The following IMMP2L variants were observed in gnomAD, a reference collection of about 807,000 sequenced individuals.
The protein encoded by IMMP2L is inner mitochondrial membrane peptidase subunit 2.
In IMMP2L, 18 loss-of-function variants were observed where a neutral mutation model predicts 19.3. That is an observed-to-expected ratio of 0.93 (90% CI 0.64 to 1.38). IMMP2L has a LOEUF of 1.38. Among genes scored for constraint, IMMP2L ranks in the 40% most tolerant of loss-of-function variants. IMMP2L has a pLI of 0.00. For synonymous variants in IMMP2L, 76 were observed against 73.0 expected, an observed-to-expected ratio of 1.04 and a Z score of -0.21; for missense variants, 233 against 218.2, an observed-to-expected ratio of 1.07 and a Z score of -0.43.
intron 2 of IMMP2L, among the ~76,000 whole-genome samples, chr7:111,498,849 C>A (rs931208589): frequency 6.6e-6 from 1 of 152,044 alleles, no homozygotes; most frequent in Non-Finnish European, 1.5e-5. Context: ...ATTTTGGTAC[C>A]TGGGTACCCT....
intron 5 of IMMP2L, among the ~76,000 whole-genome samples, chr7:110,881,724 G>T (rs1034498407): frequency 6.6e-6 from 1 of 152,144 alleles, no homozygotes; most frequent in Non-Finnish European, 1.5e-5. Context: ...AAAATGCAAT[G>T]AAAATTCATT....
intron 3 of IMMP2L, among the ~76,000 whole-genome samples, chr7:111,282,177 A>AG (rs1819959308): frequency 6.6e-6 from 1 of 152,186 alleles, no homozygotes; most frequent in South Asian, 2.1e-4. Context: ...ACATAAAAAA[A>AG]TTATAGAAAG....
intron 4 of IMMP2L, among the ~76,000 whole-genome samples, chr7:110,915,482 T>C (rs1050533224): frequency 6.6e-6 from 1 of 152,164 alleles, no homozygotes; most frequent in Non-Finnish European, 1.5e-5. Context: ...TGGGGAGATG[T>C]TGGTCAAAGG....
At chr7:111,108,012 G>A (rs1346285333) in intron 3 of IMMP2L, among the ~76,000 whole-genome samples, 2 of 152,050 alleles carry the variant, frequency 1.3e-5, no homozygotes, top group Non-Finnish European at 2.9e-5. Context: ...TCTTAACCGA[G>A]TATATATGGC....
chr7:110,868,876 T>C (rs1808268148), intron 5 of IMMP2L, among the ~76,000 whole-genome samples: 1 of 151,350 alleles, frequency 6.6e-6, no homozygotes, highest in Non-Finnish European at 1.5e-5. Context: ...GTTCCTGAAC[T>C]GAATGCAAAA....
rs575580475 is a variant in IMMP2L at position 110,806,200 on chromosome 7, C to T, written c.408+80393G>A. Reference sequence around the variant, plus strand: ...TATTTATTGCATGTATTTAAAGCAACGAGCTCAAATGTCAGCGGAAGTCCA... The same window carrying T: ...TATTTATTGCATGTATTTAAAGCAATGAGCTCAAATGTCAGCGGAAGTCCA... On this transcript the variant is annotated intron_variant, in intron 5 of 5. Transcript: ENST00000405709. 5.9e-4 allele frequency among the ~76,000 whole-genome samples: 90 copies of T among 152,074 alleles called. No homozygotes were observed. In the Middle Eastern group the frequency reaches 0.017, roughly 29 times the overall value.
Position 111,051,881 on chromosome 7 carries a change from T to C in IMMP2L, c.240-88316A>G, listed in dbSNP as rs145426690. Among the ~76,000 whole-genome samples, 287 of 152,284 alleles carry C rather than the reference T, an allele frequency of 1.9e-3. 1 individual carries two copies. The highest frequency in any genetic ancestry group is 6.8e-3 in the African/African-American group (282 of 41,556). On this transcript the variant is annotated intron_variant, in intron 3 of 5. Coordinates refer to ENST00000405709, the MANE Select transcript of IMMP2L (RefSeq NM_032549.4). The stretch of plus-strand genomic sequence containing the variant: ...ATGAAATTTTAAGCCTCCAACTGAC[T>C]CAATGGACCTCTCCTTTTGGCCTAG...
chr7:111,127,425 TTTG>T (rs1166027830), intron 3 of IMMP2L, among the ~76,000 whole-genome samples: 1 of 152,202 alleles, frequency 6.6e-6, no homozygotes, highest in Non-Finnish European at 1.5e-5. Flanking sequence ...TCTTTTAAAG[TTTG>T]TTAAGAAATA....
chr7:111,237,630 TATA>T (rs565906797), intron 3 of IMMP2L, among the ~76,000 whole-genome samples: 5 of 152,034 alleles, frequency 3.3e-5, no homozygotes, highest in South Asian at 2.1e-4. Flanking sequence ...TTACTATGAC[TATA>T]ATATTTACCT....
chr7:111,347,635 C>T (rs900284893), intron 3 of IMMP2L, among the ~76,000 whole-genome samples: 1 of 151,830 alleles, frequency 6.6e-6, no homozygotes, highest in African/African-American at 2.4e-5. Flanking sequence ...AGCCTCTCTC[C>T]GGTGTTCATA....
At chr7:111,552,261 G>A (rs1443048660) in intron 1 of IMMP2L, among the ~76,000 whole-genome samples, 4 of 152,052 alleles carry the variant, frequency 2.6e-5, no homozygotes, top group Non-Finnish European at 5.9e-5. Context: ...CAGTTTTACT[G>A]GTCAAAAGGA....
At chr7:111,066,165 T>C (rs970444167) in intron 3 of IMMP2L, among the ~76,000 whole-genome samples, 2 of 151,924 alleles carry the variant, frequency 1.3e-5, no homozygotes, top group East Asian at 1.9e-4. Flanking sequence ...TTTTTAAAAG[T>C]AGAGATGGGG....
At chr7:111,424,080 T>C (rs139809482) in intron 3 of IMMP2L, among the ~76,000 whole-genome samples, 15 of 152,022 alleles carry the variant, frequency 9.9e-5, no homozygotes, top group African/African-American at 3.6e-4. Context: ...TATACCAACA[T>C]GCCCTGTTCT....
intron 3 of IMMP2L, among the ~76,000 whole-genome samples, chr7:111,025,784 G>A (rs1386928839): frequency 6.6e-6 from 1 of 152,134 alleles, no homozygotes; most frequent in African/African-American, 2.4e-5. Context: ...TACATGGAAT[G>A]AATGGTATGA....
intron 5 of IMMP2L, among the ~76,000 whole-genome samples, chr7:110,704,372 A>G (rs1056127914): frequency 2.0e-5 from 3 of 152,220 alleles, no homozygotes; most frequent in African/African-American, 7.2e-5. Context: ...TTTCTCTTAC[A>G]ATACTGTCAC....
chr7:110,954,442 C>G (rs139208874), intron 4 of IMMP2L, among the ~76,000 whole-genome samples: 48 of 152,138 alleles, frequency 3.2e-4, no homozygotes, highest in Non-Finnish European at 5.4e-4. Flanking sequence ...GTTTAACACA[C>G]AGGAAATATT....
At position 111,370,333 on chromosome 7, in the gene IMMP2L, G is replaced by A. The variant is rs11978180; in HGVS notation, c.239+116905C>T. On this transcript the variant is annotated intron_variant, in intron 3 of 5. Coordinates refer to ENST00000405709, the MANE Select transcript of IMMP2L (RefSeq NM_032549.4). ...TGAATCTACACCTTATAGTAAATTA[G>A]AGAAATTCCTATTGATATTGAATGT... 5.8e-3 allele frequency among the ~76,000 whole-genome samples: 889 copies of A among 151,988 alleles called. 16 individuals carry two copies. Among genetic ancestry groups the A allele is most frequent in the African/African-American group, 0.02 (819 of 41,520 alleles).
At chr7:110,690,179 A>G (rs1468200796) in intron 5 of IMMP2L, among the ~76,000 whole-genome samples, 2 of 152,170 alleles carry the variant, frequency 1.3e-5, no homozygotes, top group African/African-American at 4.8e-5. Context: ...TGGGACCTGT[A>G]TCCAGTCTAA....
intron 3 of IMMP2L, among the ~76,000 whole-genome samples, chr7:111,043,145 C>T (rs1382535286): frequency 6.6e-6 from 1 of 152,150 alleles, no homozygotes; most frequent in African/African-American, 2.4e-5. Context: ...ATGGCCCAAC[C>T]TGTAGTAAGT....
Sources: gnomAD v4.1 joint callset for allele counts (sites outside exome capture counted in the v4.1 genomes callset) on GRCh38, gnomAD v4.1.1 for gene constraint, MANE v1.5 for transcripts, NCBI Gene and HGNC (gene_info 2026-07-23, HGNC 2026-07-21) for gene names.